Variants in MYO1D observed in about 807,000 individuals in gnomAD.
MYO1D encodes the protein unconventional myosin-Id.
MYO1D carries 83 observed loss-of-function variants against 122.0 expected under a neutral mutation model. The observed-to-expected ratio is 0.68, with a 90% CI of 0.57 to 0.82. The LOEUF is 0.82. Ranked by LOEUF, MYO1D falls within the 40% of genes least tolerant of loss-of-function variation. MYO1D has a pLI of 0.00. For synonymous variants in MYO1D, 464 were observed against 446.9 expected (o/e 1.04, Z -0.48); for missense variants, 1,157 against 1,269.5 (o/e 0.91, Z 1.35).
At chr17:32,688,571 C>T (rs1452785993) in intron 16 of MYO1D, among the ~76,000 whole-genome samples, 1 of 152,112 alleles carries the variant, frequency 6.6e-6, no homozygotes, top group African/African-American at 2.4e-5. Context: ...GTAAGCAAGG[C>T]AAACAGTATG....
chr17:32,533,612 C>T (rs935045097), intron 21 of MYO1D, among the ~76,000 whole-genome samples: 2 of 152,114 alleles, frequency 1.3e-5, no homozygotes, highest in Non-Finnish European at 2.9e-5. Flanking sequence ...CGAAAAAGAC[C>T]AAGCTCCTCT....
chr17:32,548,056 T>C (rs1252875267), intron 21 of MYO1D, among the ~76,000 whole-genome samples: 4 of 152,182 alleles, frequency 2.6e-5, no homozygotes, highest in Non-Finnish European at 5.9e-5. Context: ...ATCATTGCAG[T>C]TGCTATAGAA....
At chr17:32,753,165 A>T (rs2089914986) in intron 11 of MYO1D, among the ~76,000 whole-genome samples, 1 of 152,222 alleles carries the variant, frequency 6.6e-6, no homozygotes, top group Non-Finnish European at 1.5e-5. Flanking sequence ...AGGTGAAATA[A>T]TGTACATTTT....
chr17:32,776,367 C>G (rs2090172422), intron 3 of MYO1D, among the ~76,000 whole-genome samples: 1 of 152,010 alleles, frequency 6.6e-6, no homozygotes, highest in Non-Finnish European at 1.5e-5. Flanking sequence ...TGTGTATGTT[C>G]ACGTGTGTGT....
At chr17:32,837,026 G>A (rs2090832353) in intron 1 of MYO1D, among the ~76,000 whole-genome samples, 2 of 152,000 alleles carry the variant, frequency 1.3e-5, no homozygotes, top group South Asian at 4.1e-4. Context: ...AGTTCCAGTT[G>A]CTTCATATCC....
Position 32,811,616 on chromosome 17 carries a change from CTT to C in MYO1D, c.96-30834_96-30833del, listed in dbSNP as rs755189217. Among the ~76,000 whole-genome samples the C allele has an allele frequency of 7.8e-4, 45 of 57,534 alleles. 1 individual carries two copies. The highest frequency in any genetic ancestry group is 2.4e-3 in the African/African-American group (42 of 17,326). The allele number at this position is 57,534 out of a possible 152,430, so 37.7% of individuals were successfully genotyped here. ...ACATTTATCTCCCAACCCTCACCCTCTTTTTTTTTTTTTTTTTTTTTTTTTTG... is the reference window on the plus strand; with the variant it reads ...ACATTTATCTCCCAACCCTCACCCTCTTTTTTTTTTTTTTTTTTTTTTTTG... On this transcript the variant is annotated intron_variant, in intron 1 of 21. Coordinates refer to ENST00000318217, the MANE Select transcript of MYO1D (RefSeq NM_015194.3).
intron 20 of MYO1D, among the ~76,000 whole-genome samples, chr17:32,621,155 C>T (rs963122303): frequency 5.3e-5 from 8 of 152,030 alleles, no homozygotes; most frequent in African/African-American, 1.9e-4. Flanking sequence ...CTGTCACATG[C>T]GGTCAGATGT....
chr17:32,574,709 A>G (rs1197701183), intron 21 of MYO1D, among the ~76,000 whole-genome samples: 1 of 152,230 alleles, frequency 6.6e-6, no homozygotes, highest in Non-Finnish European at 1.5e-5. Flanking sequence ...ACAGATTGAG[A>G]AAACAAAAGT....
chr17:32,608,937 A>G (rs1363089382), intron 20 of MYO1D, among the ~76,000 whole-genome samples: 1 of 152,222 alleles, frequency 6.6e-6, no homozygotes, highest in Non-Finnish European at 1.5e-5. Context: ...CGCCATTTAT[A>G]TGATATTCTC....
intron 21 of MYO1D, among the ~76,000 whole-genome samples, chr17:32,497,305 C>A (rs922252956): frequency 3.3e-5 from 5 of 151,994 alleles, no homozygotes; most frequent in African/African-American, 1.2e-4. Flanking sequence ...AAAAACAAAC[C>A]AATGAGCCTG....
chr17:32,644,700 G>A (rs1402358983), intron 19 of MYO1D, among the ~76,000 whole-genome samples: 1 of 152,050 alleles, frequency 6.6e-6, no homozygotes, highest in African/African-American at 2.4e-5. Context: ...ATCTTCGTTG[G>A]TTTAAGGTCC....
chr17:32,827,125 G>A (rs1297383153), intron 1 of MYO1D, among the ~76,000 whole-genome samples: 2 of 152,156 alleles, frequency 1.3e-5, no homozygotes, highest in East Asian at 3.8e-4. Context: ...TAGCCAAAAA[G>A]TGGAAACACC....
intron 15 of MYO1D, among the ~76,000 whole-genome samples, chr17:32,719,125 G>A (rs1367751200): frequency 2.0e-5 from 3 of 152,100 alleles, no homozygotes; most frequent in Non-Finnish European, 4.4e-5. Context: ...AAATGGTACT[G>A]TGCTTACCTA....
intron 21 of MYO1D, among the ~76,000 whole-genome samples, chr17:32,554,522 T>C (rs567860864): frequency 1.3e-5 from 2 of 152,292 alleles, no homozygotes; most frequent in South Asian, 4.1e-4. Context: ...GGGAAGGATA[T>C]ATAAGTGAAT....
chr17:32,822,346 G>C (rs910753599), intron 1 of MYO1D, among the ~76,000 whole-genome samples: 2 of 149,764 alleles, frequency 1.3e-5, no homozygotes, highest in African/African-American at 4.9e-5. Flanking sequence ...GACACAGGAA[G>C]GGGAACATCA....
At chr17:32,719,380 C>T (rs72815067) in intron 15 of MYO1D, among the ~76,000 whole-genome samples, 51,258 of 147,840 alleles carry the variant, frequency 0.35, 10,351 homozygotes, top group East Asian at 0.53. Context: ...GACGGAGTCT[C>T]GCTCTGTCAC....
chr17:32,577,969 G>A (rs2087294464), intron 21 of MYO1D, among the ~76,000 whole-genome samples: 1 of 152,114 alleles, frequency 6.6e-6, no homozygotes, highest in East Asian at 1.9e-4. Flanking sequence ...TCGATCTCCT[G>A]ACCTCGTGAT....
intron 1 of MYO1D, among the ~76,000 whole-genome samples, chr17:32,862,275 T>C (rs982082817): frequency 2.0e-5 from 3 of 152,250 alleles, no homozygotes; most frequent in African/African-American, 7.2e-5. Context: ...TCCTTTTGTT[T>C]GTTTACTGGT....
At chr17:32,831,729 A>G (rs910316977) in intron 1 of MYO1D, among the ~76,000 whole-genome samples, 3 of 152,206 alleles carry the variant, frequency 2.0e-5, no homozygotes, top group Admixed American at 2.0e-4. Flanking sequence ...CCAGAGAATA[A>G]GATTACTTTT....
Sources: allele counts gnomAD v4.1 joint callset (sites outside exome capture counted in the v4.1 genomes callset), GRCh38; gene constraint gnomAD v4.1.1; transcripts MANE v1.5; gene names NCBI Gene and HGNC (gene_info 2026-07-23, HGNC 2026-07-21).